Variants in VPS13B observed in about 807,000 individuals in gnomAD.
VPS13B encodes the protein vacuolar protein sorting 13 homolog B.
A neutral mutation model predicts 426.4 loss-of-function variants in VPS13B; 285 were observed. The observed-to-expected ratio is 0.67, with a 90% CI of 0.61 to 0.74. The LOEUF is 0.74. VPS13B is among the 30% of genes least tolerant of loss of function. The probability of loss-of-function intolerance (pLI) is 0.00; values close to 1 mark genes in which losing one functional copy is unlikely to be tolerated. For missense variants in VPS13B, 4,537 were observed against 4,782.6 expected, an observed-to-expected ratio of 0.95 and a Z score of 1.51; for synonymous variants, 1,676 against 1,676.4, an observed-to-expected ratio of 1.00 and a Z score of 0.01.
At chr8:99,283,962 C>T (rs143307333) in intron 19 of VPS13B, among the ~76,000 whole-genome samples, 138 of 152,026 alleles carry the variant, frequency 9.1e-4, no homozygotes, top group African/African-American at 3.2e-3. Flanking sequence ...TATTTTTTCC[C>T]GTTAAGAGAT....
chr8:99,753,126 A>T (rs979450092), intron 39 of VPS13B, among the ~76,000 whole-genome samples: 89 of 152,346 alleles, frequency 5.8e-4, no homozygotes, highest in African/African-American at 2.0e-3. Context: ...TTAAAATTGA[A>T]TAATGTAAAT....
At chr8:99,322,676 A>T (rs1285896997) in intron 19 of VPS13B, among the ~76,000 whole-genome samples, 1 of 152,228 alleles carries the variant, frequency 6.6e-6, no homozygotes, top group Non-Finnish European at 1.5e-5. Flanking sequence ...TGGGAAGTAT[A>T]AACATGCAAA....
intron 19 of VPS13B, among the ~76,000 whole-genome samples, chr8:99,349,841 G>C (rs1010264865): frequency 6.6e-6 from 1 of 152,004 alleles, no homozygotes. Context: ...CAGTATATAC[G>C]TATTTTTTAT....
chr8:99,288,545 T>C (rs532408826), intron 19 of VPS13B, among the ~76,000 whole-genome samples: 1 of 152,002 alleles, frequency 6.6e-6, no homozygotes, highest in Non-Finnish European at 1.5e-5. Flanking sequence ...AGTCTATAGC[T>C]CAATTTTTGA....
chr8:99,868,394 G>A lies in VPS13B; in HGVS notation c.11321G>A (p.Gly3774Glu). The change falls in exon 59 of 62, where the codon GGG (glycine) becomes GAG (glutamate). Residue 3774 changes from glycine to glutamate, a missense_variant. Gly to Glu is a moderately conservative substitution (Grantham distance 98). Around this residue, in one of 2 missense-constraint regions of VPS13B, gnomAD observed 4,311 missense variants for 4,474.3 expected, o/e 0.96. Transcript: ENST00000357162. ...HKAKGVISGV[G>E]KGIMGVFTKP... Reference sequence around the variant, plus strand: ...GCCAAGGGTGTCATCTCGGGTGTGGGGAAAGGAATCATGGGGGTGTTCACA... The same window carrying A: ...GCCAAGGGTGTCATCTCGGGTGTGGAGAAAGGAATCATGGGGGTGTTCACA... The A allele has an allele frequency of 1.2e-6, 2 of 1,614,180 alleles. No individual in the cohort carries two copies. The highest frequency in any genetic ancestry group is 1.1e-5 in the South Asian group (1 of 91,078).
chr8:99,463,773 GCCTC>G (rs1184899506), intron 23 of VPS13B, among the ~76,000 whole-genome samples: 1 of 151,932 alleles, frequency 6.6e-6, no homozygotes, highest in Non-Finnish European at 1.5e-5. Context: ...GTTCACTGGA[GCCTC>G]CGCCTCCCGA....
chr8:99,237,310 T>G (rs111371844), intron 17 of VPS13B, among the ~76,000 whole-genome samples: 67 of 152,374 alleles, frequency 4.4e-4, no homozygotes, highest in African/African-American at 1.4e-3. Context: ...TTACAGATAC[T>G]TTTTGGATTA....
intron 57 of VPS13B, among the ~76,000 whole-genome samples, chr8:99,859,903 C>T (rs867172546): frequency 7.2e-5 from 11 of 152,244 alleles, no homozygotes; most frequent in Middle Eastern, 3.4e-3. Context: ...GACATGGAAG[C>T]GGATTTGGGG....
At chr8:99,275,329 G>GT in intron 19 of VPS13B, 75 bp downstream of exon 19, 1 of 1,345,070 alleles carries the variant, frequency 7.4e-7, no homozygotes. Context: ...TTTAAAATTG[G>GT]TATATATTTT....
At chr8:99,857,159 A>G (rs964246464) in intron 56 of VPS13B, among the ~76,000 whole-genome samples, 1 of 152,184 alleles carries the variant, frequency 6.6e-6, no homozygotes, top group Non-Finnish European at 1.5e-5. Flanking sequence ...GCTCTGGCCT[A>G]CACATAGCCC....
chr8:99,568,496 G>A (rs1271992845), intron 31 of VPS13B, among the ~76,000 whole-genome samples: 1 of 151,614 alleles, frequency 6.6e-6, no homozygotes, highest in Non-Finnish European at 1.5e-5. Context: ...TTACCATGTT[G>A]GCCAGACTGA....
At chr8:99,762,774 A>G (rs971777883) in intron 39 of VPS13B, among the ~76,000 whole-genome samples, 1 of 152,146 alleles carries the variant, frequency 6.6e-6, no homozygotes, top group Admixed American at 6.5e-5. Context: ...TTTAATATTT[A>G]TGAAAATTCA....
intron 35 of VPS13B, among the ~76,000 whole-genome samples, chr8:99,687,975 G>A (rs1012251270): frequency 2.0e-5 from 3 of 151,908 alleles, no homozygotes; most frequent in African/African-American, 7.3e-5. Flanking sequence ...TGCTGAAGCA[G>A]TATCCCAATG....
chr8:99,074,021 G>A (rs1217146977), intron 3 of VPS13B, among the ~76,000 whole-genome samples: 1 of 152,044 alleles, frequency 6.6e-6, no homozygotes, highest in East Asian at 1.9e-4. Flanking sequence ...TCCCACCTTG[G>A]CCTCCCAAAG....
intron 19 of VPS13B, among the ~76,000 whole-genome samples, chr8:99,303,794 A>T (rs935837794): frequency 6.7e-6 from 1 of 148,284 alleles, no homozygotes; most frequent in Non-Finnish European, 1.5e-5. Flanking sequence ...GCTGTGGTTC[A>T]GTGATTGTGT....
In VPS13B at chr8:99,577,573, C is replaced by G; in HGVS notation, c.5160C>G (p.Leu1720=). Residue 1720 remains leucine, a synonymous_variant, in exon 33 of 62, where the codon CTC becomes CTG. Transcript: ENST00000357162. The stretch of plus-strand genomic sequence containing the variant: ...TCCTAAGTGTGGCTCAAGTTCAACT[C>G]TTACATCAGTTAATAGTAGCAAATA... ...DFFLSVAQVQ[L]LHQLIVANMT... 1.2e-6 allele frequency: 2 copies of G among 1,613,858 alleles called. No homozygotes were observed. The highest frequency in any genetic ancestry group is 1.7e-6 in the Non-Finnish European group (2 of 1,179,782).
chr8:99,728,860 G>T (rs760994373), intron 39 of VPS13B, among the ~76,000 whole-genome samples: 1 of 152,218 alleles, frequency 6.6e-6, no homozygotes, highest in Non-Finnish European at 1.5e-5. Flanking sequence ...GCCTCTGGAA[G>T]AACTGGGGCC....
intron 35 of VPS13B, among the ~76,000 whole-genome samples, chr8:99,680,828 G>A (rs1047170219): frequency 3.9e-5 from 6 of 152,086 alleles, no homozygotes; most frequent in African/African-American, 1.2e-4. Context: ...TATATTTCCA[G>A]TTCCTGTAAA....
intron 17 of VPS13B, among the ~76,000 whole-genome samples, chr8:99,239,116 A>G (rs1203884700): frequency 6.6e-6 from 1 of 152,144 alleles, no homozygotes; most frequent in Non-Finnish European, 1.5e-5. Context: ...ATCACATTCC[A>G]ATGTGATAAC....
Sources: gnomAD v4.1 joint callset for allele counts (sites outside exome capture counted in the v4.1 genomes callset) on GRCh38, gnomAD v4.1.1 for gene constraint, gnomAD v4.1.1 regional missense constraint, MANE v1.5 for transcripts, NCBI Gene and HGNC (gene_info 2026-07-23, HGNC 2026-07-21) for gene names.